Variants in LPP observed in about 807,000 individuals in gnomAD.
The protein encoded by LPP is lipoma-preferred partner.
A neutral mutation model predicts 60.4 loss-of-function variants in LPP; 38 were observed. The observed-to-expected ratio is 0.63, with a 90% confidence interval of 0.49 to 0.83. LPP has a LOEUF of 0.83. Ranked by LOEUF, LPP falls within the 40% of genes least tolerant of loss-of-function variation. LPP has a pLI of 0.00. For synonymous variants in LPP, 328 were observed against 290.8 expected (o/e 1.13, Z -1.30); for missense variants, 902 against 783.6 (o/e 1.15, Z -1.80).
chr3:188,293,093 G>C (rs1476845740), intron 2 of LPP, among the ~76,000 whole-genome samples: 1 of 152,150 alleles, frequency 6.6e-6, no homozygotes, highest in Non-Finnish European at 1.5e-5. Flanking sequence ...AATTTTATTT[G>C]AGCTGGCATT....
intron 4 of LPP, among the ~76,000 whole-genome samples, chr3:188,464,954 T>C (rs1799997191): frequency 6.9e-6 from 1 of 145,160 alleles, no homozygotes; most frequent in African/African-American, 2.5e-5. Context: ...CGGACCCAAT[T>C]TGAAGCTGAA....
At chr3:188,742,102 G>A (rs1724639779) in intron 8 of LPP, among the ~76,000 whole-genome samples, 1 of 152,002 alleles carries the variant, frequency 6.6e-6, no homozygotes, top group Non-Finnish European at 1.5e-5. Context: ...ACTCTGTAAG[G>A]TACCTCCATA....
chr3:188,273,598 T>TTTC (rs1738594870), intron 2 of LPP, among the ~76,000 whole-genome samples: 1 of 138,132 alleles, frequency 7.2e-6, no homozygotes, highest in African/African-American at 2.8e-5. Flanking sequence ...TCTTTTTTTT[T>TTTC]TTTTTTTTTT....
intron 7 of LPP, among the ~76,000 whole-genome samples, chr3:188,703,635 A>T (rs1245893662): frequency 1.3e-5 from 2 of 152,230 alleles, no homozygotes; most frequent in Non-Finnish European, 2.9e-5. Context: ...ATCTTTCATC[A>T]TAAGAAAAAA....
chr3:188,802,771 C>T lies in LPP; in HGVS notation c.1410+42489C>T, dbSNP rs190143755. The stretch of plus-strand genomic sequence containing the variant: ...CGCACTCCAACCTGGGGAACAAGAG[C>T]GAGACTTTGTCTCAAAAGAAAAAAA... On this transcript the variant is annotated intron_variant, in intron 9 of 11. Coordinates refer to ENST00000617246, the MANE Select transcript of LPP (RefSeq NM_001375462.1). Among the ~76,000 whole-genome samples the T allele has an allele frequency of 6.6e-4, 100 of 151,152 alleles. No homozygotes were observed. In the East Asian group the frequency reaches 0.018, roughly 28 times the overall value.
chr3:188,441,744 C>T (rs1392497185), intron 4 of LPP, among the ~76,000 whole-genome samples: 2 of 150,272 alleles, frequency 1.3e-5, no homozygotes, highest in African/African-American at 2.4e-5. Flanking sequence ...CCTCAGCCTC[C>T]TGAGTAGTTG....
intron 6 of LPP, among the ~76,000 whole-genome samples, chr3:188,577,731 T>G (rs1443946900): frequency 2.2e-5 from 3 of 136,690 alleles, no homozygotes. Flanking sequence ...CTCTTTGGTT[T>G]CCTTCCTTCC....
intron 9 of LPP, among the ~76,000 whole-genome samples, chr3:188,850,023 A>T (rs903404186): frequency 3.8e-4 from 58 of 152,242 alleles, no homozygotes; most frequent in African/African-American, 1.4e-3. Context: ...AGAACTTTTT[A>T]AAAGTTATGG....
intron 5 of LPP, among the ~76,000 whole-genome samples, chr3:188,490,441 G>A (rs1807987071): frequency 6.6e-6 from 1 of 151,504 alleles, no homozygotes; most frequent in Non-Finnish European, 1.5e-5. Flanking sequence ...CTGTTGACCA[G>A]CCTCTGCCTC....
chr3:188,363,792 C>A (rs1356272438), intron 3 of LPP, among the ~76,000 whole-genome samples: 1 of 150,524 alleles, frequency 6.6e-6, no homozygotes, highest in African/African-American at 2.4e-5. Flanking sequence ...GTAATCCCAA[C>A]TACTAGGGAG....
intron 4 of LPP, among the ~76,000 whole-genome samples, chr3:188,422,906 GTC>G (rs1788180854): frequency 9.7e-6 from 1 of 102,692 alleles, no homozygotes; most frequent in Non-Finnish European, 2.1e-5. Flanking sequence ...TCTTTTTGGT[GTC>G]TTCTTTGTGT....
At chr3:188,565,551 C>T (rs567390469) in intron 6 of LPP, among the ~76,000 whole-genome samples, 2 of 152,014 alleles carry the variant, frequency 1.3e-5, no homozygotes, top group South Asian at 2.1e-4. Flanking sequence ...AGAAAGCAAT[C>T]GTGAGATACT....
chr3:188,351,075 C>A (rs55684841), intron 3 of LPP, among the ~76,000 whole-genome samples: 2 of 152,160 alleles, frequency 1.3e-5, no homozygotes, highest in African/African-American at 4.8e-5. Flanking sequence ...CATGTTTCCA[C>A]CCCCATCTCA....
intron 6 of LPP, among the ~76,000 whole-genome samples, chr3:188,577,844 C>T (rs542306419): frequency 8.2e-6 from 1 of 121,492 alleles, no homozygotes; most frequent in Admixed American, 8.4e-5. Flanking sequence ...TCTTTCTTGC[C>T]CTTTCTCTCT....
In LPP at chr3:188,885,158, C is replaced by A. The variant is rs1770509990; in HGVS notation, c.*10679C>A. ...CTTTTTATTTCCTCTCATTTCACTC[C>A]TTTCATTGTTTGCTATATCCTAAAA... On this transcript the variant is annotated 3_prime_UTR_variant, in exon 12 of 12. Transcript: ENST00000617246. 4.7e-6 allele frequency: 1 copy of A among 211,244 alleles called. No individual in the cohort carries two copies. The highest frequency in any genetic ancestry group is 9.6e-6 in the Non-Finnish European group (1 of 104,490). The allele number at this position is 211,244 out of a possible 1,614,324, so 13.1% of individuals were successfully genotyped here.
At chr3:188,580,148 A>G (rs1002670416) in intron 6 of LPP, among the ~76,000 whole-genome samples, 1 of 152,164 alleles carries the variant, frequency 6.6e-6, no homozygotes, top group African/African-American at 2.4e-5. Context: ...ACCAACACCT[A>G]TTTTAACCAG....
chr3:188,436,791 G>A (rs143468829), intron 4 of LPP, among the ~76,000 whole-genome samples: 170 of 152,272 alleles, frequency 1.1e-3, no homozygotes, highest in African/African-American at 3.9e-3. Context: ...AAAAGTAGAT[G>A]GGCTTTAAAG....
At chr3:188,440,727 C>G (rs1793567290) in intron 4 of LPP, among the ~76,000 whole-genome samples, 1 of 152,130 alleles carries the variant, frequency 6.6e-6, no homozygotes, top group African/African-American at 2.4e-5. Context: ...CACAGTGGTG[C>G]AGTTTGACCT....
intron 2 of LPP, among the ~76,000 whole-genome samples, chr3:188,302,334 C>A (rs551830423): frequency 6.6e-6 from 1 of 152,184 alleles, no homozygotes; most frequent in East Asian, 1.9e-4. Context: ...AAAACTGTTA[C>A]TCTTTGCAGT....
Sources: allele counts gnomAD v4.1 joint callset (sites outside exome capture counted in the v4.1 genomes callset), GRCh38; gene constraint gnomAD v4.1.1; transcripts MANE v1.5; gene names NCBI Gene and HGNC (gene_info 2026-07-23, HGNC 2026-07-21).